HSD17B2: variants seen among roughly 807,000 people sequenced by gnomAD.
HSD17B2 encodes 17-beta-hydroxysteroid dehydrogenase type 2.
HSD17B2 carries 32 observed loss-of-function variants against 26.9 expected under a neutral mutation model. The ratio of observed to expected loss-of-function variants is 1.19; its 90% CI spans 0.90 to 1.60. The LOEUF (loss-of-function observed/expected upper bound fraction) is 1.60, where lower values mean the gene tolerates loss of function less well. HSD17B2 is among the 40% of genes most tolerant of loss of function. The probability of loss-of-function intolerance (pLI) is 0.00; values close to 1 mark genes in which losing one functional copy is unlikely to be tolerated. For missense variants in HSD17B2, 613 were observed against 468.6 expected (o/e 1.31, Z -2.85); for synonymous variants, 246 against 186.7 (o/e 1.32, Z -2.59).
chr16:82,037,486 G>T (rs1913654024), intron 1 of HSD17B2, among the ~76,000 whole-genome samples: 1 of 152,128 alleles, frequency 6.6e-6, no homozygotes, highest in African/African-American at 2.4e-5. Flanking sequence ...GGTGGGGCAG[G>T]ACCAAAGAAA....
intron 3 of HSD17B2, among the ~76,000 whole-genome samples, chr16:82,072,211 GGAGAGA>G (rs148943235): frequency 2.6e-5 from 4 of 150,962 alleles, no homozygotes; most frequent in African/African-American, 4.9e-5. Flanking sequence ...AAGAAGGTAG[GGAGAGA>G]GAGAGAGAGA....
intron 1 of HSD17B2, among the ~76,000 whole-genome samples, chr16:82,043,675 ACT>A (rs1432077863): frequency 4.0e-5 from 4 of 99,726 alleles, no homozygotes; most frequent in African/African-American, 2.5e-4. Flanking sequence ...ACAAGGCAAA[ACT>A]CTGTCTCAAA....
rs1018223146 is a variant in HSD17B2 at position 82,035,275 on chromosome 16, C to T, written c.-150C>T. On this transcript the variant is annotated 5_prime_UTR_variant, in exon 1 of 5. Transcript: ENST00000199936. ...ATTACCCACTGGGAATATGATTATGCTTAATCTATGCTCAGTTGAAAGGGG... is the reference window on the plus strand; with the variant it reads ...ATTACCCACTGGGAATATGATTATGTTTAATCTATGCTCAGTTGAAAGGGG... 4.6e-6 allele frequency: 3 copies of T among 649,978 alleles called. No individual in the cohort carries two copies. The highest frequency in any genetic ancestry group is 7.9e-6 in the Non-Finnish European group (3 of 380,718). 40.3% of individuals were successfully genotyped at this position (649,978 alleles called of 1,614,324 possible).
intron 3 of HSD17B2, among the ~76,000 whole-genome samples, chr16:82,081,211 T>A (rs557559793): frequency 3.9e-5 from 6 of 152,122 alleles, no homozygotes; most frequent in Admixed American, 1.3e-4. Flanking sequence ...GCAAATTGTG[T>A]TTGCTGTTTA....
chr16:82,075,257 T>A (rs989919580), intron 3 of HSD17B2, among the ~76,000 whole-genome samples: 6 of 151,650 alleles, frequency 4.0e-5, no homozygotes, highest in African/African-American at 1.5e-4. Context: ...GTAGAAACAC[T>A]TCAAGTAAAA....
chr16:82,058,071 A>AT (rs72053726), intron 1 of HSD17B2, among the ~76,000 whole-genome samples: 2,846 of 141,372 alleles, frequency 0.02, 63 homozygotes, highest in African/African-American at 0.058. Context: ...GTTGTTGTTA[A>AT]TTTTTTTTTT....
At chr16:82,071,817 G>C (rs769770210) in intron 3 of HSD17B2, 1 of 155,204 alleles carries the variant, frequency 6.4e-6, no homozygotes, top group African/African-American at 2.4e-5. Context: ...AAGATCCATC[G>C]ACCTGACTTT....
intron 3 of HSD17B2, among the ~76,000 whole-genome samples, chr16:82,077,084 A>G (rs967593004): frequency 2.0e-5 from 3 of 152,236 alleles, no homozygotes; most frequent in Non-Finnish European, 2.9e-5. Context: ...TAAAACGTCC[A>G]TACTATTCAA....
intron 4 of HSD17B2, chr16:82,092,348 C>T (rs1040552127): frequency 1.3e-5 from 2 of 152,172 alleles, no homozygotes; most frequent in Non-Finnish European, 1.5e-5. Context: ...AGGCAGCCTA[C>T]CCCAAGGCTC....
intron 4 of HSD17B2, chr16:82,095,265 T>C (rs1266219113): frequency 6.6e-6 from 1 of 152,178 alleles, no homozygotes; most frequent in Non-Finnish European, 1.5e-5. Context: ...GTAATTGTCA[T>C]GATAATCATT....
intron 3 of HSD17B2, among the ~76,000 whole-genome samples, chr16:82,077,900 G>A (rs1004528236): frequency 6.6e-6 from 1 of 152,138 alleles, no homozygotes; most frequent in Non-Finnish European, 1.5e-5. Flanking sequence ...AAATCAAAAT[G>A]GATTCGATAC....
chr16:82,042,869 C>T (rs1913804178), intron 1 of HSD17B2, among the ~76,000 whole-genome samples: 1 of 152,008 alleles, frequency 6.6e-6, no homozygotes, highest in Non-Finnish European at 1.5e-5. Flanking sequence ...AATCCACCTG[C>T]CTCGGCCTCC....
rs189942481 is a variant in HSD17B2 at position 82,041,657 on chromosome 16, A to G, written c.265+5968A>G. 6.6e-5 allele frequency among the ~76,000 whole-genome samples: 10 copies of G among 152,252 alleles called. No individual in the cohort carries two copies. In the East Asian group the frequency reaches 1.9e-3, roughly 29 times the overall value. ...TGCCGACCATACTTTCTTTCTTTTC[A>G]TGGCCTCGTTAGCCTTGCAGGAACT... On this transcript the variant is annotated intron_variant, in intron 1 of 4. Coordinates refer to ENST00000199936, the MANE Select transcript of HSD17B2 (RefSeq NM_002153.3).
At chr16:82,075,581 T>G (rs1175692098) in intron 3 of HSD17B2, among the ~76,000 whole-genome samples, 2 of 152,044 alleles carry the variant, frequency 1.3e-5, no homozygotes, top group Non-Finnish European at 2.9e-5. Flanking sequence ...GAGGCTACTA[T>G]GAGTAACTAA....
At chr16:82,047,351 G>A (rs917876965) in intron 1 of HSD17B2, among the ~76,000 whole-genome samples, 1 of 152,080 alleles carries the variant, frequency 6.6e-6, no homozygotes, top group African/African-American at 2.4e-5. Flanking sequence ...GGCATAGGAG[G>A]GTTTTAAAAA....
At chr16:82,097,629 A>G (rs1904889565) in intron 4 of HSD17B2, 1 of 152,766 alleles carries the variant, frequency 6.5e-6, no homozygotes, top group Non-Finnish European at 1.5e-5. Context: ...ATGCCATTAT[A>G]AAGCACACAT....
Position 82,086,661 on chromosome 16 carries a change from G to A in HSD17B2, c.665-4241G>A, listed in dbSNP as rs560765328. 4.6e-5 allele frequency among the ~76,000 whole-genome samples: 7 copies of A among 152,328 alleles called. No individual in the cohort carries two copies. The South Asian group carries it at 6.2e-4, about 14-fold the overall frequency. On this transcript the variant is annotated intron_variant, in intron 3 of 4. Coordinates refer to ENST00000199936, the MANE Select transcript of HSD17B2 (RefSeq NM_002153.3). ...TAAGGATAGAAAGGGTGCAGTCTACGTCTAGGAAGAGTGGAAAGAGTCCAT... is the reference window on the plus strand; with the variant it reads ...TAAGGATAGAAAGGGTGCAGTCTACATCTAGGAAGAGTGGAAAGAGTCCAT...
chr16:82,043,684 C>CAAAAA (rs398030034), intron 1 of HSD17B2, among the ~76,000 whole-genome samples: 35 of 22,538 alleles, frequency 1.6e-3, no homozygotes, highest in African/African-American at 2.4e-3. Flanking sequence ...AACTCTGTCT[C>CAAAAA]AAAAAAAAAA....
chr16:82,051,620 G>A (rs995700853), intron 1 of HSD17B2, among the ~76,000 whole-genome samples: 5 of 152,176 alleles, frequency 3.3e-5, no homozygotes, highest in Non-Finnish European at 7.3e-5. Flanking sequence ...GCTAATGCAT[G>A]CAGGGCTTAA....
Sources: gnomAD v4.1 joint callset for allele counts (sites outside exome capture counted in the v4.1 genomes callset) on GRCh38, gnomAD v4.1.1 for gene constraint, MANE v1.5 for transcripts, NCBI Gene and HGNC (gene_info 2026-07-23, HGNC 2026-07-21) for gene names.